CAST: variants seen among roughly 807,000 people sequenced by gnomAD.
CAST encodes the protein calpastatin.
Under a neutral mutation model 119.6 loss-of-function variants are expected in CAST, and 76 were observed. The ratio of observed to expected loss-of-function variants is 0.64; its 90% CI spans 0.53 to 0.77. The LOEUF is 0.77. Among genes scored for constraint, CAST ranks in the 30% least tolerant of loss-of-function variants. The pLI, the probability that CAST is intolerant of heterozygous loss-of-function variation, is 0.00. For synonymous variants in CAST, 319 were observed against 331.6 expected, an observed-to-expected ratio of 0.96 and a Z score of 0.41; for missense variants, 953 against 946.5, an observed-to-expected ratio of 1.01 and a Z score of -0.09.
chr5:96,128,645 T>C, the CAST span, among the ~76,000 whole-genome samples: 10 of 152,128 alleles, frequency 6.6e-5, no homozygotes, highest in African/African-American at 2.2e-4. Flanking sequence ...ACTTCAGTAG[T>C]TGTTTTCTTG....
chr5:95,965,522 T>C, the CAST span, among the ~76,000 whole-genome samples: 1 of 152,232 alleles, frequency 6.6e-6, no homozygotes, highest in African/African-American at 2.4e-5. Flanking sequence ...CAATGGCTTC[T>C]GTTACAAAAA....
the CAST span, among the ~76,000 whole-genome samples, chr5:96,087,043 T>C: frequency 6.6e-6 from 1 of 152,230 alleles, no homozygotes; most frequent in African/African-American, 2.4e-5. Flanking sequence ...CTAAAAGTTG[T>C]TGGTAGACAG....
At chr5:96,300,070 C>T in the CAST span, among the ~76,000 whole-genome samples, 1 of 152,042 alleles carries the variant, frequency 6.6e-6, no homozygotes, top group Admixed American at 6.6e-5. Context: ...TCTCTTGATG[C>T]TGTTGTTTCC....
chr5:96,334,676 A>G, the CAST span, among the ~76,000 whole-genome samples: 1 of 152,130 alleles, frequency 6.6e-6, no homozygotes, highest in East Asian at 1.9e-4. Flanking sequence ...TATTTGCAGA[A>G]TCCCAATTAA....
chr5:96,550,305 G>T (rs958628067), intron 1 of CAST, among the ~76,000 whole-genome samples: 2 of 152,222 alleles, frequency 1.3e-5, no homozygotes, highest in South Asian at 4.1e-4. Flanking sequence ...AACTGCAACA[G>T]ACCTGCAGCT....
chr5:96,534,666 CAAAG>C (rs1231125147), intron 1 of CAST, among the ~76,000 whole-genome samples: 2 of 80,860 alleles, frequency 2.5e-5, no homozygotes, highest in East Asian at 5.4e-4. Flanking sequence ...GAGACTTCAT[CAAAG>C]AAAGAAAGAG....
At chr5:96,649,499 T>C (rs1748066019) in intron 1 of CAST, among the ~76,000 whole-genome samples, 1 of 152,238 alleles carries the variant, frequency 6.6e-6, no homozygotes, top group Admixed American at 6.5e-5. Flanking sequence ...TCAACGGGCC[T>C]GATTTCTAAC....
At chr5:96,385,791 A>G in the CAST span, among the ~76,000 whole-genome samples, 1 of 152,252 alleles carries the variant, frequency 6.6e-6, no homozygotes, top group African/African-American at 2.4e-5. Flanking sequence ...CAAGGCAGTT[A>G]GGAAAACATT....
chr5:96,526,771 T>A (rs1369874380), upstream of CAST, among the ~76,000 whole-genome samples: 1 of 152,178 alleles, frequency 6.6e-6, no homozygotes, highest in Admixed American at 6.5e-5. Flanking sequence ...CTGAGACAGA[T>A]CTCAATCAAC....
intron 1 of CAST, among the ~76,000 whole-genome samples, chr5:96,566,936 T>TGTACTTGTTTGCAAAC (rs1303773524): frequency 3.9e-5 from 6 of 152,374 alleles, no homozygotes; most frequent in African/African-American, 1.2e-4. Context: ...TTGTTTCAAA[T>TGTACTTGTTTGCAAAC]GTACTTGTTT....
At chr5:96,439,591 C>T in the CAST span, among the ~76,000 whole-genome samples, 1 of 152,144 alleles carries the variant, frequency 6.6e-6, no homozygotes, top group Non-Finnish European at 1.5e-5. Flanking sequence ...AAAACTATCC[C>T]TTTGTCACCC....
chr5:96,432,820 C>A, the CAST span: 2 of 1,569,140 alleles, frequency 1.3e-6, no homozygotes, highest in Non-Finnish European at 1.8e-6. Context: ...TCCCGCCAGT[C>A]CCCTGGGGCC....
chr5:96,676,456 AAAAT>A (rs765976334), intron 2 of CAST, among the ~76,000 whole-genome samples: 5 of 152,092 alleles, frequency 3.3e-5, no homozygotes, highest in Non-Finnish European at 7.4e-5. Flanking sequence ...CTGCAGTTTC[AAAAT>A]AGTCAATATG....
At chr5:96,570,431 A>G (rs932219014) in intron 1 of CAST, among the ~76,000 whole-genome samples, 1 of 152,118 alleles carries the variant, frequency 6.6e-6, no homozygotes, top group Non-Finnish European at 1.5e-5. Context: ...GGGAAAAGCT[A>G]AATTAGTGTA....
the CAST span, among the ~76,000 whole-genome samples, chr5:96,330,081 A>G: frequency 1.3e-5 from 2 of 152,350 alleles, no homozygotes; most frequent in Non-Finnish European, 2.9e-5. Context: ...CCAAAGAACA[A>G]TGAGTCAGGA....
In CAST at chr5:96,730,851, G is replaced by C; in HGVS notation, c.621G>C (p.Pro207=). Residue 207 remains proline, a synonymous_variant, in exon 9 of 32, where the codon CCG becomes CCC. Transcript: ENST00000675179. ...VAGITAISGK[P]GDKKKEKKSL... ...GTATCACTGCAATATCTGGCAAGCC[G>C]GGTGACAAGGTGAGCACACACAAGC... is the stretch of plus-strand genomic sequence containing the variant. 1.2e-6 allele frequency: 2 copies of C among 1,612,382 alleles called. No individual in the cohort carries two copies. The highest frequency in any genetic ancestry group is 1.7e-6 in the Non-Finnish European group (2 of 1,178,440).
At chr5:96,477,351 A>ATG in the CAST span, among the ~76,000 whole-genome samples, 147 of 139,296 alleles carry the variant, frequency 1.1e-3, no homozygotes, top group African/African-American at 3.6e-3. Context: ...CTGGTCTCTC[A>ATG]TGTGTGTGTG....
chr5:96,613,519 C>G (rs780341325), intron 1 of CAST, among the ~76,000 whole-genome samples: 4 of 152,076 alleles, frequency 2.6e-5, no homozygotes, highest in Non-Finnish European at 4.4e-5. Context: ...GCTAAGGAAA[C>G]TAAGGTCCAG....
At chr5:96,687,461 T>C (rs1256915382) in intron 2 of CAST, among the ~76,000 whole-genome samples, 2 of 152,244 alleles carry the variant, frequency 1.3e-5, no homozygotes, top group African/African-American at 2.4e-5. Context: ...TGAATTCATT[T>C]ATTAATTAAG....
Sources: gnomAD v4.1 joint callset for allele counts (sites outside exome capture counted in the v4.1 genomes callset) on GRCh38, gnomAD v4.1.1 for gene constraint, MANE v1.5 for transcripts, NCBI Gene and HGNC (gene_info 2026-07-23, HGNC 2026-07-21) for gene names.